Variants in ACOT7 observed in about 807,000 individuals in gnomAD.
ACOT7 encodes acyl-CoA thioesterase 7.
A neutral mutation model predicts 40.2 loss-of-function variants in ACOT7; 12 were observed. That is an observed-to-expected ratio of 0.30 (90% CI 0.19 to 0.48). The LOEUF is 0.48. ACOT7 is among the 20% of genes least tolerant of loss of function. The pLI is 0.99. For synonymous variants in ACOT7, 228 were observed against 219.5 expected, an observed-to-expected ratio of 1.04 and a Z score of -0.34; for missense variants, 395 against 530.8, an observed-to-expected ratio of 0.74 and a Z score of 2.51.
chr1:6,341,176 C>G (rs1328629501), intron 2 of ACOT7, among the ~76,000 whole-genome samples: 2 of 151,424 alleles, frequency 1.3e-5, no homozygotes, highest in Non-Finnish European at 2.9e-5. Flanking sequence ...GAGTCTCACT[C>G]TGTTGCCCAG....
intron 6 of ACOT7, among the ~76,000 whole-genome samples, chr1:6,298,283 C>T (rs61763878): frequency 0.086 from 13,064 of 152,126 alleles, 967 homozygotes; most frequent in African/African-American, 0.19. Flanking sequence ...TACAGGAGCC[C>T]GTCACCATGC....
intron 1 of ACOT7, among the ~76,000 whole-genome samples, chr1:6,350,725 C>T (rs1451166520): frequency 2.0e-5 from 3 of 152,208 alleles, no homozygotes; most frequent in Non-Finnish European, 4.4e-5. Context: ...GCTTGTGTAG[C>T]CTGCCCAGCC....
intron 1 of ACOT7, among the ~76,000 whole-genome samples, chr1:6,370,457 GTATTATTATTATTATTAT>G (rs34962967): frequency 3.0e-4 from 42 of 140,798 alleles, no homozygotes; most frequent in African/African-American, 7.8e-4. Context: ...AGCAGTGTTA[GTATTATTATTATTATTAT>G]TATTATTATT....
Position 6,306,869 on chromosome 1 carries a change from A to C in ACOT7, c.712+11623T>G. 1.6e-6 allele frequency: 2 copies of C among 1,289,148 alleles called. No individual in the cohort carries two copies. Among genetic ancestry groups the C allele is most frequent in the Non-Finnish European group, 2.0e-6 (2 of 988,680 alleles). The allele number at this position is 1,289,148 out of a possible 1,614,324, so 79.9% of individuals were successfully genotyped here. ...GTGCCCTCTTTTGCATTTTTCAGTG[A>C]AAGTCAACTCCTCCTGCAGGTGCAA... On this transcript the variant is annotated intron_variant, in intron 6 of 8. Transcript: ENST00000361521. The surrounding 1 kb of genome is among the most constrained non-coding windows in gnomAD (Gnocchi z 4.3).
intron 1 of ACOT7, among the ~76,000 whole-genome samples, chr1:6,377,236 TA>T (rs377614627): frequency 4.6e-5 from 7 of 151,988 alleles, no homozygotes; most frequent in African/African-American, 1.2e-4. Context: ...TTAAAGACAT[TA>T]AAAAAATACA....
Position 6,311,304 on chromosome 1 carries a change from C to A in ACOT7, c.712+7188G>T, listed in dbSNP as rs1355472798. Among the ~76,000 whole-genome samples, 5 of 152,236 alleles carry A rather than the reference C, an allele frequency of 3.3e-5. No homozygotes were observed. Among genetic ancestry groups the A allele is most frequent in the African/African-American group, 1.2e-4 (5 of 41,458 alleles). On this transcript the variant is annotated intron_variant, in intron 6 of 8. Transcript: ENST00000361521. This position sits in a 1 kb window ranked among gnomAD's most constrained non-coding sequence, Gnocchi z 5.2. ...ACCCATGCCCTCCCTCCATTCCCCT[C>A]ACGCTCTAAAGACCCTGATACAGGA... is the stretch of plus-strand genomic sequence containing the variant.
intron 6 of ACOT7, among the ~76,000 whole-genome samples, chr1:6,309,635 C>G (rs1346398092): frequency 6.6e-6 from 1 of 152,072 alleles, no homozygotes; most frequent in Admixed American, 6.6e-5. Context: ...GTTACTTTTT[C>G]TTTGGCCGGC....
intron 1 of ACOT7, among the ~76,000 whole-genome samples, chr1:6,377,897 C>T (rs550212087): frequency 2.0e-5 from 3 of 152,088 alleles, no homozygotes; most frequent in Admixed American, 6.6e-5. Flanking sequence ...GGTGAAACCC[C>T]GTCTCTACTA....
At chr1:6,320,858 A>G (rs1640624639) in intron 5 of ACOT7, among the ~76,000 whole-genome samples, 1 of 152,224 alleles carries the variant, frequency 6.6e-6, no homozygotes, top group African/African-American at 2.4e-5. Flanking sequence ...AGCTGGTCAC[A>G]TGCATGCAGT....
At chr1:6,313,719 G>C (rs535073525) in intron 6 of ACOT7, among the ~76,000 whole-genome samples, 6 of 152,276 alleles carry the variant, frequency 3.9e-5, no homozygotes, top group Non-Finnish European at 5.9e-5. Flanking sequence ...GCACTCCCAG[G>C]CTGGCGGAGC....
chr1:6,295,038 A>G lies in ACOT7; in HGVS notation c.713-58T>C, dbSNP rs1174176656. On this transcript the variant is annotated intron_variant, in intron 6 of 8. Coordinates refer to ENST00000361521, the MANE Select transcript of ACOT7 (RefSeq NM_007274.4). Reference sequence around the variant, plus strand: ...ACGGAGGCAGAGGAGATTATTTCACACCCTGGAAACAAGTTACAACTCGAG... The same window carrying G: ...ACGGAGGCAGAGGAGATTATTTCACGCCCTGGAAACAAGTTACAACTCGAG... 3.7e-6 allele frequency: 5 copies of G among 1,368,698 alleles called. No homozygotes were observed. The African/African-American group carries it at 7.2e-5, about 20-fold the overall frequency. The allele number at this position is 1,368,698 out of a possible 1,614,324, so 84.8% of individuals were successfully genotyped here. A position where few individuals can be genotyped will look rare whatever the true frequency, so the allele number is the denominator to read the frequency against.
intron 1 of ACOT7, among the ~76,000 whole-genome samples, chr1:6,392,869 G>A (rs891533793): frequency 3.3e-5 from 5 of 152,194 alleles, no homozygotes; most frequent in African/African-American, 1.2e-4. Flanking sequence ...GCAGGACCAC[G>A]GGGCTGAGGC....
At chr1:6,285,927 C>T (rs189119844) in intron 7 of ACOT7, among the ~76,000 whole-genome samples, 2 of 152,316 alleles carry the variant, frequency 1.3e-5, no homozygotes, top group African/African-American at 4.8e-5. Context: ...GCGAACCTGG[C>T]ACTAGGCAAA....
chr1:6,317,526 A>C (rs1640526462), intron 6 of ACOT7, among the ~76,000 whole-genome samples: 1 of 152,078 alleles, frequency 6.6e-6, no homozygotes, highest in African/African-American at 2.4e-5. Context: ...TAGAGGAAAA[A>C]CATTATTAAC....
intron 7 of ACOT7, among the ~76,000 whole-genome samples, chr1:6,290,483 G>C (rs1205027193): frequency 1.3e-5 from 2 of 152,204 alleles, no homozygotes; most frequent in Non-Finnish European, 2.9e-5. Flanking sequence ...CCATGGCCCT[G>C]CTGTGCCCTC....
intron 1 of ACOT7, among the ~76,000 whole-genome samples, chr1:6,360,115 T>C (rs1641854203): frequency 6.6e-6 from 1 of 152,216 alleles, no homozygotes; most frequent in South Asian, 2.1e-4. Flanking sequence ...TCCTCTCACC[T>C]ATGTGCAAAA....
chr1:6,290,609 TAATAC>T (rs1639637440), intron 7 of ACOT7, among the ~76,000 whole-genome samples: 1 of 152,238 alleles, frequency 6.6e-6, no homozygotes, highest in Admixed American at 6.5e-5. Context: ...AGGTTAATAC[TAATAC>T]AACACCCCAA....
Position 6,393,309 on chromosome 1 carries a change from G to A in ACOT7, c.91C>T (p.Pro31Ser). ...TCGACGTCTGGGCCCGACATGCTGGGGGCTGCGGCGGCGGATGCGGCGGGC... is the reference window on the plus strand; with the variant it reads ...TCGACGTCTGGGCCCGACATGCTGGAGGCTGCGGCGGCGGATGCGGCGGGC... ...QPPAASAAAA[P>S]SMSGPDVETP... Residue 31 changes from proline (P) to serine (S), a missense_variant, in exon 1 of 9, where the codon CCC becomes TCC. Pro to Ser is a moderately conservative substitution (Grantham distance 74). Coordinates refer to ENST00000361521, the MANE Select transcript of ACOT7 (RefSeq NM_007274.4). 1 of 1,281,724 alleles carries A rather than the reference G, an allele frequency of 7.8e-7. No homozygotes were observed. The allele number at this position is 1,281,724 out of a possible 1,614,324, so 79.4% of individuals were successfully genotyped here. A position where few individuals can be genotyped will look rare whatever the true frequency, so the allele number is the denominator to read the frequency against.
chr1:6,292,841 T>C (rs1639708914), intron 7 of ACOT7, among the ~76,000 whole-genome samples: 1 of 151,470 alleles, frequency 6.6e-6, no homozygotes, highest in Non-Finnish European at 1.5e-5. Context: ...GCCACCAGCC[T>C]GGCTAATTTT....
Sources: gnomAD v4.1 joint callset for allele counts (sites outside exome capture counted in the v4.1 genomes callset) on GRCh38, gnomAD v4.1.1 for gene constraint, Gnocchi (gnomAD v3.1) non-coding constraint, MANE v1.5 for transcripts, NCBI Gene and HGNC (gene_info 2026-07-23, HGNC 2026-07-21) for gene names.